DMBT1: variants seen among roughly 807,000 people sequenced by gnomAD.
The protein encoded by DMBT1 is scavenger receptor cysteine-rich domain-containing protein DMBT1.
In DMBT1, 198 loss-of-function variants were observed where a neutral mutation model predicts 252.9. The observed-to-expected ratio is 0.78, with a 90% CI of 0.70 to 0.88. DMBT1 has a LOEUF of 0.88. DMBT1 is among the 40% of genes least tolerant of loss of function. The probability of loss-of-function intolerance (pLI) is 0.00; values close to 1 mark genes in which losing one functional copy is unlikely to be tolerated. For missense variants in DMBT1, 2,432 were observed against 2,404.7 expected, an observed-to-expected ratio of 1.01 and a Z score of -0.24; for synonymous variants, 990 against 942.7, an observed-to-expected ratio of 1.05 and a Z score of -0.92.
chr10:122,629,734 T>C, intron 46 of DMBT1, 106 bp from the exon 47 acceptor site: 1 of 1,355,354 alleles, frequency 7.4e-7, no homozygotes, highest in Non-Finnish European at 1.0e-6. Flanking sequence ...TAAGTCTTGT[T>C]ATAAAGTGCA....
chr10:122,598,211 TC>T (rs1479032543), intron 25 of DMBT1, among the ~76,000 whole-genome samples, 199 bp downstream of exon 25: 1 of 152,024 alleles, frequency 6.6e-6, no homozygotes, highest in Admixed American at 6.5e-5. Context: ...GTGACTTGTC[TC>T]CCGTGGAATC....
intron 51 of DMBT1, 147 bp from the exon 52 acceptor site, chr10:122,633,044 A>G: frequency 6.7e-7 from 1 of 1,497,028 alleles, no homozygotes; most frequent in Middle Eastern, 2.0e-4. Flanking sequence ...GACGGTCCAG[A>G]TCTAGGCCAC....
intron 43 of DMBT1, 54 bp from the exon 44 acceptor site, chr10:122,621,003 A>G: frequency 1.2e-6 from 2 of 1,607,636 alleles, no homozygotes; most frequent in African/African-American, 2.7e-5. Context: ...AACATTCCTT[A>G]AATCCTTGAC....
intron 47 of DMBT1, 105 bp downstream of exon 47, chr10:122,630,098 G>C: frequency 4.6e-6 from 7 of 1,511,914 alleles, no homozygotes; most frequent in South Asian, 1.3e-5. Context: ...CATGTGCCAT[G>C]GACAAGCTTT....
At chr10:122,599,222 T>C in intron 26 of DMBT1, 125 bp downstream of exon 26, 3 of 1,518,278 alleles carry the variant, frequency 2.0e-6, no homozygotes, top group Non-Finnish European at 2.7e-6. Flanking sequence ...TGAAGACTTG[T>C]TAGCTCTCTG....
At position 122,621,320 on chromosome 10, in the gene DMBT1, C is replaced by T. The variant is rs200348645; in HGVS notation, c.5548C>T (p.His1850Tyr). Residue 1850 changes from histidine (H) to tyrosine (Y), a missense_variant, in exon 44 of 56, where the codon CAC becomes TAC. Around this residue, in one of 3 missense-constraint regions of DMBT1, gnomAD observed 1,162 missense variants for 1,169.0 expected, o/e 0.99. Coordinates refer to ENST00000338354, the MANE Select transcript of DMBT1 (RefSeq NM_001377530.1). The part of the protein sequence containing the change: ...GNESYLWSCP[H>Y]KGWLTHNCGH... ...TGAGTCCTACCTGTGGAGCTGCCCC[C>T]ACAAAGGCTGGCTCACCCACAACTG... 6.2e-7 allele frequency: 1 copy of T among 1,613,860 alleles called. No individual in the cohort carries two copies. Among genetic ancestry groups the T allele is most frequent in the South Asian group, 1.1e-5 (1 of 91,076 alleles).
At chr10:122,584,483 C>T (rs2097773613) in intron 14 of DMBT1, 132 bp downstream of exon 14, 1 of 380,142 alleles carries the variant, frequency 2.6e-6, no homozygotes, top group Non-Finnish European at 4.9e-6. Flanking sequence ...TGCTCTGTAA[C>T]TGAGACCCTG....
chr10:122,633,149 T>G (rs1305738031), intron 51 of DMBT1, 42 bp from the exon 52 acceptor site: 2 of 1,609,044 alleles, frequency 1.2e-6, no homozygotes, highest in Admixed American at 3.4e-5. Flanking sequence ...CTGTGCAGTG[T>G]GCTCTGGGGG....
rs566924801 is a variant in DMBT1 at position 122,572,434 on chromosome 10, T to C, written c.235+73T>C. The C allele has an allele frequency of 4.2e-5, 67 of 1,582,822 alleles. No individual in the cohort carries two copies. In the South Asian group the frequency reaches 7.1e-4, roughly 17 times the overall value. ...CTCCTAGATTCATCTCTGACCCAGA[T>C]GAGGTGTAGAGGACATAGAAAGTAG... On this transcript the variant is annotated intron_variant, in intron 5 of 55. Transcript: ENST00000338354.
intron 17 of DMBT1, among the ~76,000 whole-genome samples, 192 bp from the exon 18 acceptor site, chr10:122,590,473 C>G (rs1364729513): frequency 3.4e-5 from 5 of 148,472 alleles, no homozygotes; most frequent in Admixed American, 3.3e-4. Context: ...TTGGAGCTGG[C>G]AGTAGTGGAC....
rs557522463 is a variant in DMBT1 at position 122,585,075 on chromosome 10, G to C, written c.1421-196G>C. 1.1e-3 allele frequency among the ~76,000 whole-genome samples: 167 copies of C among 148,818 alleles called. 17 individuals are homozygous for C. The highest frequency in any genetic ancestry group is 3.4e-3 in the Middle Eastern group (1 of 292). The stretch of plus-strand genomic sequence containing the variant: ...CCACACTTCAGAGGCAGGAGGGATC[G>C]AACTGGTCTCCAGCAAGGCTTATGT... On this transcript the variant is annotated intron_variant, in intron 14 of 55. Coordinates refer to ENST00000338354, the MANE Select transcript of DMBT1 (RefSeq NM_001377530.1).
intron 6 of DMBT1, among the ~76,000 whole-genome samples, chr10:122,575,558 A>G (rs1332945882): frequency 6.6e-6 from 1 of 152,070 alleles, no homozygotes; most frequent in African/African-American, 2.4e-5. Context: ...TTCATCTTCT[A>G]CAATTGGCAA....
rs1362261834 is a variant in DMBT1 at position 122,589,351 on chromosome 10, A to G, written c.2107+84A>G. 2.6e-6 allele frequency: 4 copies of G among 1,551,996 alleles called. No individual in the cohort carries two copies. In the African/African-American group the frequency reaches 5.4e-5, roughly 21 times the overall value. ...GTCTTATGTTCTAATCTCCTCACTCAGAGCTTTTTCAACCTTTCCTATGTT... is the reference window on the plus strand; with the variant it reads ...GTCTTATGTTCTAATCTCCTCACTCGGAGCTTTTTCAACCTTTCCTATGTT... On this transcript the variant is annotated intron_variant, in intron 17 of 55. Transcript: ENST00000338354.
In DMBT1 at chr10:122,587,527, G is replaced by A. The variant is rs567313620; in HGVS notation, c.1783+1144G>A. On this transcript the variant is annotated intron_variant, in intron 16 of 55. Coordinates refer to ENST00000338354, the MANE Select transcript of DMBT1 (RefSeq NM_001377530.1). ...GGGCTGGGCTAGAAGATCACAGGCTGGATATTTTTTTTTTGCAGGAGTGGC... is the reference window on the plus strand; with the variant it reads ...GGGCTGGGCTAGAAGATCACAGGCTAGATATTTTTTTTTTGCAGGAGTGGC... Among the ~76,000 whole-genome samples, 130 of 148,418 alleles carry A rather than the reference G, an allele frequency of 8.8e-4. 6 individuals carry two copies. The highest frequency in any genetic ancestry group is 2.9e-3 in the African/African-American group (118 of 41,078).
At chr10:122,560,866 C>A in intron 1 of DMBT1, 35 bp downstream of exon 1, 1 of 1,498,872 alleles carries the variant, frequency 6.7e-7, no homozygotes, top group Non-Finnish European at 9.1e-7. Flanking sequence ...ATTAATTTCT[C>A]TCCTGCAGAC....
chr10:122,629,870 T>G lies in DMBT1; in HGVS notation c.5699T>G (p.Phe1900Cys). The G allele has an allele frequency of 6.2e-7, 1 of 1,614,028 alleles. No individual in the cohort carries two copies. The highest frequency in any genetic ancestry group is 1.1e-5 in the South Asian group (1 of 91,084). Reference sequence around the variant, plus strand: ...TCTTCAAATTGTGGTGGCTTCTTATTCTATGCCAGTGGGACATTCTCCAGC... The same window carrying G: ...TCTTCAAATTGTGGTGGCTTCTTATGCTATGCCAGTGGGACATTCTCCAGC... Reference protein sequence around the residue: ...RPSSNCGGFLFYASGTFSSPS... With the variant: ...RPSSNCGGFLCYASGTFSSPS... Residue 1900 changes from phenylalanine (F) to cysteine (C), a missense_variant, in exon 47 of 56, where the codon TTC (phenylalanine) becomes TGC (cysteine). This residue lies in a region of DMBT1 where 1,162 missense variants were observed against 1,169.0 expected (regional missense o/e 0.99). Transcript: ENST00000338354.
At chr10:122,576,747 T>G in intron 7 of DMBT1, 25 bp downstream of exon 7, 1 of 1,613,396 alleles carries the variant, frequency 6.2e-7, no homozygotes, top group Non-Finnish European at 8.5e-7. Context: ...CTCTGGAGGG[T>G]TGGGTGTGGT....
chr10:122,592,610 C>T lies in DMBT1; in HGVS notation c.2500+15C>T, dbSNP rs78191656. On this transcript the variant is annotated intron_variant, in intron 20 of 55. Coordinates refer to ENST00000338354, the MANE Select transcript of DMBT1 (RefSeq NM_001377530.1). ...CATCTGCTCAGGTGGGCCTCCAAGA[C>T]CTTGGGCTCCCTCTCCTAGACTGGA... 1 of 1,588,332 alleles carries T rather than the reference C, an allele frequency of 6.3e-7. No individual in the cohort carries two copies. The highest frequency in any genetic ancestry group is 8.6e-7 in the Non-Finnish European group (1 of 1,165,604).
intron 8 of DMBT1, 97 bp from the exon 9 acceptor site, chr10:122,578,621 T>A (rs2097734483): frequency 9.3e-7 from 1 of 1,078,730 alleles, no homozygotes; most frequent in African/African-American, 1.6e-5. Flanking sequence ...CGAGTGGAAT[T>A]GTTTTCACAG....
Sources: gnomAD v4.1 joint callset for allele counts (sites outside exome capture counted in the v4.1 genomes callset) on GRCh38, gnomAD v4.1.1 for gene constraint, gnomAD v4.1.1 regional missense constraint, MANE v1.5 for transcripts, NCBI Gene and HGNC (gene_info 2026-07-23, HGNC 2026-07-21) for gene names.